The following SLC41A3 variants were observed in gnomAD, a reference collection of about 807,000 sequenced individuals.
The protein encoded by SLC41A3 is SLC41A1-like 2.
Under a neutral mutation model 45.4 loss-of-function variants are expected in SLC41A3, and 44 were observed. The observed-to-expected ratio is 0.97, with a 90% CI of 0.76 to 1.25. The LOEUF is 1.25. Ranked by LOEUF, SLC41A3 falls within the 50% of genes most tolerant of loss-of-function variation. The pLI is 0.00. For missense variants in SLC41A3, 550 were observed against 600.6 expected, an observed-to-expected ratio of 0.92 and a Z score of 0.88; for synonymous variants, 256 against 252.4, an observed-to-expected ratio of 1.01 and a Z score of -0.13.
At chr3:126,021,987 T>C (rs1390989308) in intron 6 of SLC41A3, among the ~76,000 whole-genome samples, 1 of 152,158 alleles carries the variant, frequency 6.6e-6, no homozygotes, top group Non-Finnish European at 1.5e-5. Context: ...AGGAACAAAA[T>C]ACCTTTAAAC....
At chr3:126,045,938 C>T (rs1315481199) in intron 3 of SLC41A3, among the ~76,000 whole-genome samples, 1 of 151,672 alleles carries the variant, frequency 6.6e-6, no homozygotes, top group Non-Finnish European at 1.5e-5. Context: ...TCCTGGAATA[C>T]AAGATAGCTC....
intron 1 of SLC41A3, among the ~76,000 whole-genome samples, chr3:126,073,750 T>A (rs1285144715): frequency 6.6e-6 from 1 of 151,884 alleles, no homozygotes; most frequent in East Asian, 1.9e-4. Context: ...AAGAAAAGCT[T>A]AACACCAGAT....
intron 2 of SLC41A3, chr3:126,056,590 C>T: frequency 6.3e-7 from 1 of 1,594,562 alleles, no homozygotes; most frequent in East Asian, 2.2e-5. Flanking sequence ...AGCACGAAGT[C>T]AGAGCCTGGG....
intron 1 of SLC41A3, among the ~76,000 whole-genome samples, chr3:126,077,828 T>G (rs888377991): frequency 1.3e-5 from 2 of 152,150 alleles, no homozygotes; most frequent in Admixed American, 6.5e-5. Flanking sequence ...CTCAGGGGCC[T>G]GAATGGAGCA....
At chr3:126,086,219 G>T (rs1945385053), upstream of SLC41A3, among the ~76,000 whole-genome samples, 1 of 152,136 alleles carries the variant, frequency 6.6e-6, no homozygotes, top group Non-Finnish European at 1.5e-5. Flanking sequence ...ATGTAAAATG[G>T]AAATATAATG....
chr3:126,100,106 T>C (rs1191936583), intron 1 of SLC41A3, among the ~76,000 whole-genome samples: 1 of 152,120 alleles, frequency 6.6e-6, no homozygotes, highest in Non-Finnish European at 1.5e-5. Context: ...GAACTGTTGA[T>C]TTTGGAGGGG....
At chr3:126,067,923 T>C in intron 2 of SLC41A3, 24 bp downstream of exon 2, 1 of 1,561,704 alleles carries the variant, frequency 6.4e-7, no homozygotes, top group South Asian at 1.2e-5. Flanking sequence ...CCCCGCTCCC[T>C]GTCCCCATTT....
intron 8 of SLC41A3, among the ~76,000 whole-genome samples, chr3:126,013,238 G>T (rs1403266236): frequency 6.6e-6 from 1 of 151,956 alleles, no homozygotes; most frequent in African/African-American, 2.4e-5. Flanking sequence ...AGGTGGGAAG[G>T]AGAGAGGAGG....
intron 1 of SLC41A3, among the ~76,000 whole-genome samples, chr3:126,098,464 G>A (rs552855084): frequency 7.9e-5 from 12 of 152,360 alleles, no homozygotes; most frequent in Admixed American, 7.8e-4. Flanking sequence ...TTTGCAATGA[G>A]CTGCTATAAC....
chr3:126,023,089 C>T (rs941513759), intron 5 of SLC41A3, 157 bp from the exon 6 acceptor site: 49 of 992,440 alleles, frequency 4.9e-5, no homozygotes, highest in Admixed American at 2.8e-4. Context: ...AAGTCCTTGA[C>T]GTGAAGCCAG....
Position 126,068,029 on chromosome 3 carries a change from G to C in SLC41A3, c.191C>G (p.Ser64Cys), listed in dbSNP as rs1352408125. Reference sequence around the variant, plus strand: ...GGGCACGGTCACCTGAAGGCCTATGGACCAGGTGGTCTCCCTGCTAGGCTC... The same window carrying C: ...GGGCACGGTCACCTGAAGGCCTATGCACCAGGTGGTCTCCCTGCTAGGCTC... ...ETEPSRETTWSIGLQVTVPFM... is the reference protein window; with the variant it reads ...ETEPSRETTWCIGLQVTVPFM... Residue 64 changes from serine to cysteine, a missense_variant, in exon 2 of 11, where the codon TCC (serine) becomes TGC (cysteine). Transcript: ENST00000360370. The C allele has an allele frequency of 6.2e-7, 1 of 1,613,818 alleles. No individual in the cohort carries two copies. Among genetic ancestry groups the C allele is most frequent in the Non-Finnish European group, 8.5e-7 (1 of 1,179,978 alleles).
chr3:126,014,159 C>T (rs149146802), intron 8 of SLC41A3, among the ~76,000 whole-genome samples: 325 of 152,254 alleles, frequency 2.1e-3, no homozygotes, highest in African/African-American at 7.6e-3. Context: ...AGTGACCTCT[C>T]AGGCAGAGGC....
At chr3:126,095,130 A>T in intron 1 of SLC41A3, 1 of 603,136 alleles carries the variant, frequency 1.7e-6, no homozygotes, top group Non-Finnish European at 3.0e-6. Context: ...CAATAACAAA[A>T]AATTGGGAAA....
In SLC41A3 at chr3:126,084,080, G is replaced by A. The variant is rs959773259; in HGVS notation, c.-28+13C>T. ...TTCCGCCCCAACCCCGCCCGGAACAGGGCCGCGCTTACCGGGTCCCCTCCC... is the reference window on the plus strand; with the variant it reads ...TTCCGCCCCAACCCCGCCCGGAACAAGGCCGCGCTTACCGGGTCCCCTCCC... On this transcript the variant is annotated intron_variant, in intron 1 of 10. Coordinates refer to ENST00000360370, the MANE Select transcript of SLC41A3 (RefSeq NM_017836.4). 1 of 152,260 alleles carries A rather than the reference G, an allele frequency of 6.6e-6. No individual in the cohort carries two copies. The highest frequency in any genetic ancestry group is 6.5e-5 in the Admixed American group (1 of 15,272). The allele number at this position is 152,260 out of a possible 1,614,324, so 9.4% of individuals were successfully genotyped here.
At chr3:126,073,424 G>A (rs1944723231) in intron 1 of SLC41A3, among the ~76,000 whole-genome samples, 1 of 151,902 alleles carries the variant, frequency 6.6e-6, no homozygotes, top group Non-Finnish European at 1.5e-5. Context: ...GGCAGAACAA[G>A]ACCCTGTCTC....
chr3:126,067,810 C>G, intron 2 of SLC41A3, 137 bp downstream of exon 2: 1 of 1,106,770 alleles, frequency 9.0e-7, no homozygotes, highest in Non-Finnish European at 1.3e-6. Context: ...GAATCTTGCC[C>G]AATATATAGA....
intron 4 of SLC41A3, among the ~76,000 whole-genome samples, chr3:126,027,362 T>C (rs1559828940): frequency 6.6e-6 from 1 of 151,452 alleles, no homozygotes; most frequent in Non-Finnish European, 1.5e-5. Context: ...TGCTCCTTCT[T>C]TGGCTGTGTG....
At chr3:126,017,033 C>T (rs1222679400) in intron 6 of SLC41A3, among the ~76,000 whole-genome samples, 158 bp from the exon 7 acceptor site, 1 of 152,164 alleles carries the variant, frequency 6.6e-6, no homozygotes, top group Non-Finnish European at 1.5e-5. Context: ...CTTTCACCAT[C>T]CCAAGAAGTA....
chr3:126,082,360 C>T (rs1397997764), intron 1 of SLC41A3, among the ~76,000 whole-genome samples: 1 of 152,206 alleles, frequency 6.6e-6, no homozygotes, highest in Non-Finnish European at 1.5e-5. Context: ...GCAATGTCTG[C>T]ACATGGTTTT....
Sources: allele counts gnomAD v4.1 joint callset (sites outside exome capture counted in the v4.1 genomes callset), GRCh38; gene constraint gnomAD v4.1.1; transcripts MANE v1.5; gene names NCBI Gene and HGNC (gene_info 2026-07-23, HGNC 2026-07-21).